The following IVD variants were observed in gnomAD, a reference collection of about 807,000 sequenced individuals.
The protein encoded by IVD is isovaleryl-CoA dehydrogenase.
Under a neutral mutation model 51.3 loss-of-function variants are expected in IVD, and 31 were observed. The observed-to-expected ratio is 0.60, with a 90% CI of 0.45 to 0.81. The LOEUF is 0.81. Ranked by LOEUF, IVD falls within the 40% of genes least tolerant of loss-of-function variation. The pLI is 0.00. For synonymous variants in IVD, 205 were observed against 219.4 expected (o/e 0.93, Z 0.58); for missense variants, 475 against 552.0 (o/e 0.86, Z 1.40).
At chr15:40,414,552 C>T (rs1891442633) in intron 7 of IVD, 3 of 333,972 alleles carry the variant, frequency 9.0e-6, no homozygotes, top group Non-Finnish European at 1.8e-5. Flanking sequence ...TTATAGGTGC[C>T]TGTGTAGAAA....
At chr15:40,422,585 C>CTTTTTTTTTTTTTTTTTTTT (rs1157351420), downstream of IVD, among the ~76,000 whole-genome samples, 35 of 69,148 alleles carry the variant, frequency 5.1e-4, 3 homozygotes, top group Non-Finnish European at 7.1e-4. Flanking sequence ...GCCCGGCCGA[C>CTTTTTTTTTTTTTTTTTTTT]TTTTTTTTTT....
intron 6 of IVD, among the ~76,000 whole-genome samples, chr15:40,412,441 G>A (rs575411187): frequency 2.6e-5 from 4 of 152,226 alleles, no homozygotes; most frequent in African/African-American, 9.6e-5. Context: ...TCTAGGGTTG[G>A]AGCAGTAGGG....
At chr15:40,429,772 C>T (rs1317637284) in intron 7 of IVD, among the ~76,000 whole-genome samples, 1 of 152,194 alleles carries the variant, frequency 6.6e-6, no homozygotes, top group African/African-American at 2.4e-5. Context: ...TAAATTCTTC[C>T]ATCTTTTTAG....
chr15:40,423,477 TA>T (rs751449961), downstream of IVD, among the ~76,000 whole-genome samples: 46 of 152,354 alleles, frequency 3.0e-4, no homozygotes, highest in Middle Eastern at 6.8e-3. Flanking sequence ...TTTTTGTTTT[TA>T]AGACGGAATC....
rs751258245 is a variant in IVD at position 40,419,220 on chromosome 15, T to C, written c.*957T>C. On this transcript the variant is annotated 3_prime_UTR_variant, in exon 12 of 12. Transcript: ENST00000487418. The stretch of plus-strand genomic sequence containing the variant: ...GCTCCTAGCAGCTTATGAACACATA[T>C]GCTTGCTTGGCCAGGCAAGGTGGTG... 56 of 1,289,130 alleles carry C rather than the reference T, an allele frequency of 4.3e-5. No homozygotes were observed. Among genetic ancestry groups the C allele is most frequent in the Non-Finnish European group, 5.2e-5 (51 of 988,806 alleles). 79.9% of individuals were successfully genotyped at this position (1,289,130 alleles called of 1,614,324 possible).
chr15:40,415,008 C>T (rs774950228), intron 8 of IVD, 26 bp downstream of exon 8: 1 of 1,612,240 alleles, frequency 6.2e-7, no homozygotes, highest in South Asian at 1.1e-5. Context: ...TTGAGGGAAG[C>T]TGGGCTCTGT....
intron 8 of IVD, among the ~76,000 whole-genome samples, chr15:40,435,100 G>A (rs556818096): frequency 9.6e-4 from 146 of 152,336 alleles, no homozygotes; most frequent in African/African-American, 3.4e-3. Context: ...AGATTGGGGC[G>A]AGAATGAGAA....
In IVD at chr15:40,435,519, T is replaced by A. The variant is rs150768874; in HGVS notation, c.884T>A (p.Ile295Asn). ...ACTGCGAGGGAACTGAGATGCAAGA[T>A]CCTCCTGCCTGAACTCACACCCCGC... Residue 295 changes from isoleucine to asparagine, a missense_variant, in exon 9 of 9, where the codon ATC becomes AAC. Coordinates refer to the IVD transcript ENST00000473112. The A allele has an allele frequency of 2.5e-4, 310 of 1,243,356 alleles. 1 individual carries two copies. The East Asian group carries it at 0.016, about 65-fold the overall frequency. 77.0% of individuals were successfully genotyped at this position (1,243,356 alleles called of 1,614,324 possible). A position where few individuals can be genotyped will look rare whatever the true frequency, so the allele number is the denominator to read the frequency against.
In IVD at chr15:40,432,490, TC is replaced by T. The variant is rs575563017; in HGVS notation, c.720-1358del. On this transcript the variant is annotated intron_variant, in intron 7 of 8. Coordinates refer to the IVD transcript ENST00000473112. Reference sequence around the variant, plus strand: ...ACCATACTTGTGGCCCAGACTGTAGTCCCCCCAGAGGGTGTCTGCTGGAAAG... The same window carrying T: ...ACCATACTTGTGGCCCAGACTGTAGTCCCCCAGAGGGTGTCTGCTGGAAAG... 1.6e-3 allele frequency among the ~76,000 whole-genome samples: 244 copies of T among 152,286 alleles called. 1 individual carries two copies. Among genetic ancestry groups the T allele is most frequent in the Middle Eastern group, 3.4e-3 (1 of 294 alleles).
At chr15:40,422,649 G>A (rs1467461081), downstream of IVD, among the ~76,000 whole-genome samples, 1 of 133,134 alleles carries the variant, frequency 7.5e-6, no homozygotes, top group African/African-American at 2.9e-5. Flanking sequence ...ATCTAGGCTG[G>A]AGTGCAGTGG....
Position 40,419,046 on chromosome 15 carries a change from G to A in IVD, c.*783G>A. 1.3e-6 allele frequency: 1 copy of A among 779,738 alleles called. No homozygotes were observed. Among genetic ancestry groups the A allele is most frequent in the Admixed American group, 2.5e-5 (1 of 40,164 alleles). The allele number at this position is 779,738 out of a possible 1,614,324, so 48.3% of individuals were successfully genotyped here. A position where few individuals can be genotyped will look rare whatever the true frequency, so the allele number is the denominator to read the frequency against. The stretch of plus-strand genomic sequence containing the variant: ...GCTACTTCAGGAGGCTGAGGCAGGA[G>A]AATTACTTGAACCCAGGAGGCGGAC... On this transcript the variant is annotated 3_prime_UTR_variant, in exon 12 of 12. Transcript: ENST00000487418.
intron 3 of IVD, 107 bp from the exon 4 acceptor site, chr15:40,410,521 G>A: frequency 8.0e-7 from 1 of 1,251,754 alleles, no homozygotes; most frequent in Non-Finnish European, 1.2e-6. Context: ...ATTTGGAGTA[G>A]GTGCTACAAG....
chr15:40,427,984 C>A (rs1892767852), downstream of IVD, among the ~76,000 whole-genome samples: 1 of 152,084 alleles, frequency 6.6e-6, no homozygotes, highest in South Asian at 2.1e-4. Flanking sequence ...AAGTTTGAGA[C>A]CAGCCTGGCC....
downstream of IVD, among the ~76,000 whole-genome samples, chr15:40,428,181 CAAAA>C (rs796217209): frequency 6.8e-5 from 5 of 73,542 alleles, no homozygotes; most frequent in East Asian, 4.6e-4. Context: ...GACTCCGTGT[CAAAA>C]AAAAAAAAAA....
rs1890331810 is a variant in IVD, at chr15:40,405,822, G to A, written c.-6G>A. ...TTTCAGCGCTGGCTCTTCGTGCATG[G>A]CAGAGATGGCGACTGCGACTCGGCT... On this transcript the variant is annotated 5_prime_UTR_variant, in exon 1 of 12. Transcript: ENST00000487418. The A allele has an allele frequency of 1.2e-6, 2 of 1,611,630 alleles. No homozygotes were observed. Among genetic ancestry groups the A allele is most frequent in the Non-Finnish European group, 1.7e-6 (2 of 1,178,298 alleles).
chr15:40,426,002 G>A (rs968850407), downstream of IVD, among the ~76,000 whole-genome samples: 7 of 150,536 alleles, frequency 4.7e-5, no homozygotes, highest in Admixed American at 1.3e-4. Flanking sequence ...ATAGAGACAG[G>A]GTCTCACTAT....
At chr15:40,417,453 A>C (rs557917684) in intron 11 of IVD, among the ~76,000 whole-genome samples, 34 of 150,798 alleles carry the variant, frequency 2.3e-4, no homozygotes, top group Non-Finnish European at 4.9e-4. Context: ...GGTTGCAGAG[A>C]GCCAATATCA....
intron 2 of IVD, 44 bp from the exon 3 acceptor site, chr15:40,407,895 C>G: frequency 1.2e-6 from 2 of 1,605,504 alleles, no homozygotes; most frequent in African/African-American, 1.3e-5. Flanking sequence ...GACTGGCTGC[C>G]TTCCCCTCAA....
At chr15:40,410,862 C>T in intron 4 of IVD, 65 bp downstream of exon 4, 1 of 1,575,666 alleles carries the variant, frequency 6.3e-7, no homozygotes. Context: ...AAGATACCCT[C>T]TCCCCTTGGG....
Sources: allele counts gnomAD v4.1 joint callset (sites outside exome capture counted in the v4.1 genomes callset), GRCh38; gene constraint gnomAD v4.1.1; transcripts MANE v1.5; gene names NCBI Gene and HGNC (gene_info 2026-07-23, HGNC 2026-07-21).